Variants in KLHL4 observed in about 807,000 individuals in gnomAD.
KLHL4 encodes the protein kelch like family member 4, also known as kelch-like protein 4.
KLHL4 carries 17 observed loss-of-function variants against 45.8 expected under a neutral mutation model. That is an observed-to-expected ratio of 0.37 (90% confidence interval 0.25 to 0.56). The LOEUF (loss-of-function observed/expected upper bound fraction) is 0.56. Among genes scored for constraint, KLHL4 ranks in the 20% least tolerant of loss-of-function variants. The pLI is 0.79. For missense variants in KLHL4, 544 were observed against 544.9 expected, an observed-to-expected ratio of 1.00 and a Z score of 0.02; for synonymous variants, 224 against 189.9, an observed-to-expected ratio of 1.18 and a Z score of -1.47.
chrX:87,554,005 T>A (rs947357034), intron 1 of KLHL4, among the ~76,000 whole-genome samples: 1 of 108,512 alleles, frequency 9.2e-6, no homozygotes, highest in African/African-American at 3.4e-5. Context: ...TTTTGTCAGG[T>A]TTGTCAAAGA....
intron 9 of KLHL4, among the ~76,000 whole-genome samples, chrX:87,661,741 C>CT (rs1340660368): frequency 6.3e-5 from 7 of 111,804 alleles, no homozygotes; most frequent in Admixed American, 9.5e-5. Flanking sequence ...TTCTCATACT[C>CT]TTAAAATTTT....
chrX:87,545,231 T>C (rs1931647148), intron 1 of KLHL4, among the ~76,000 whole-genome samples: 2 of 112,334 alleles, frequency 1.8e-5, no homozygotes, highest in Non-Finnish European at 1.9e-5. Context: ...GACAGACTAT[T>C]TGAAAATACA....
chrX:87,550,983 T>C (rs1931801470), intron 1 of KLHL4, among the ~76,000 whole-genome samples: 1 of 110,928 alleles, frequency 9.0e-6, no homozygotes, highest in Admixed American at 9.7e-5. Context: ...CTCTTCAACA[T>C]AGTACTGGAA....
In KLHL4 at chrX:87,669,871, A is replaced by T. The variant is rs6614705; in HGVS notation, c.*3337A>T. On this transcript the variant is annotated 3_prime_UTR_variant, in exon 11 of 11. Transcript: ENST00000373119. The stretch of plus-strand genomic sequence containing the variant: ...TCTCCATATTTCAAAGGAAAGTTTT[A>T]AAAATGTTTTTAAAACTTCAAATAT... 50,342 of 112,793 alleles carry T rather than the reference A, an allele frequency of 0.45. 9,292 individuals are homozygous for T. The highest frequency in any genetic ancestry group is 0.68 in the African/African-American group (20,531 of 30,291). 9.3% of individuals were successfully genotyped at this position (112,793 alleles called of 1,213,427 possible).
chrX:87,567,296 T>TA (rs897532543), intron 1 of KLHL4, among the ~76,000 whole-genome samples: 12 of 110,041 alleles, frequency 1.1e-4, no homozygotes, highest in East Asian at 2.9e-4. Flanking sequence ...CATAAACAAA[T>TA]AAAAAAAAGA....
chrX:87,528,928 G>T (rs748733650), intron 1 of KLHL4, among the ~76,000 whole-genome samples: 1 of 109,698 alleles, frequency 9.1e-6, no homozygotes, highest in Non-Finnish European at 1.9e-5. Context: ...CAAAGACAGA[G>T]AGAGAATTCT....
chrX:87,626,358 C>T (rs1922927348), intron 6 of KLHL4, among the ~76,000 whole-genome samples: 1 of 111,571 alleles, frequency 9.0e-6, no homozygotes, highest in African/African-American at 3.3e-5. Flanking sequence ...TCACTGAATA[C>T]ACAATTTACA....
intron 1 of KLHL4, among the ~76,000 whole-genome samples, chrX:87,579,388 A>G (rs189194990): frequency 3.4e-4 from 38 of 111,846 alleles, no homozygotes; most frequent in African/African-American, 1.1e-3. Flanking sequence ...TACATACATT[A>G]TGGAAATTCC....
chrX:87,596,559 C>T lies in KLHL4; in HGVS notation c.423-17318C>T, dbSNP rs182255847. Among the ~76,000 whole-genome samples, 296 of 111,749 alleles carry T rather than the reference C, an allele frequency of 2.6e-3. 1 individual carries two copies. Among genetic ancestry groups the T allele is most frequent in the African/African-American group, 9.4e-3 (288 of 30,760 alleles). On this transcript the variant is annotated intron_variant, in intron 1 of 10. Transcript: ENST00000373119. ...AGTTAGCAAAAGACTGGATAATCTT[C>T]AGTAAATAAAATACATAAGTCTATC... is the stretch of plus-strand genomic sequence containing the variant.
At position 87,545,862 on chromosome X, in the gene KLHL4, T is replaced by A. The variant is rs750040318; in HGVS notation, c.422+27547T>A. ...GTCTCAGATGTGGATGAAGAACTTA[T>A]TGGGAACCGGTGTAAAGGTGACTCT... On this transcript the variant is annotated intron_variant, in intron 1 of 10. Transcript: ENST00000373119. Among the ~76,000 whole-genome samples the A allele has an allele frequency of 2.1e-4, 23 of 111,226 alleles. No homozygotes were observed. In the South Asian group the frequency reaches 8.4e-3, roughly 40 times the overall value.
intron 1 of KLHL4, among the ~76,000 whole-genome samples, chrX:87,595,174 C>T (rs2147802600): frequency 9.0e-6 from 1 of 111,105 alleles, no homozygotes; most frequent in East Asian, 2.9e-4. Context: ...TGCCCCCTCC[C>T]CCAACCCCAC....
At chrX:87,521,168 T>C (rs1451759539) in intron 1 of KLHL4, among the ~76,000 whole-genome samples, 1 of 111,638 alleles carries the variant, frequency 9.0e-6, no homozygotes, top group African/African-American at 3.3e-5. Context: ...ACCTACCAAC[T>C]GTACTGATAT....
chrX:87,660,089 A>G (rs2147841982), intron 9 of KLHL4, among the ~76,000 whole-genome samples: 1 of 111,422 alleles, frequency 9.0e-6, no homozygotes, highest in African/African-American at 3.3e-5. Context: ...ACTGTGTTTA[A>G]ACAACACTGC....
At chrX:87,547,991 C>T (rs1454095189) in intron 1 of KLHL4, among the ~76,000 whole-genome samples, 9 of 111,375 alleles carry the variant, frequency 8.1e-5, no homozygotes, top group African/African-American at 2.9e-4. Context: ...GAAAACTTTC[C>T]AATATCCAAG....
At chrX:87,528,507 G>C (rs1358916011) in intron 1 of KLHL4, among the ~76,000 whole-genome samples, 1 of 109,224 alleles carries the variant, frequency 9.2e-6, no homozygotes, top group African/African-American at 3.3e-5. Flanking sequence ...ACGAGGTCAA[G>C]AGATTGAGAC....
chrX:87,666,751 C>A lies in KLHL4; in HGVS notation c.*217C>A. On this transcript the variant is annotated 3_prime_UTR_variant, in exon 11 of 11. Coordinates refer to ENST00000373119, the MANE Select transcript of KLHL4 (RefSeq NM_019117.5). ...ATGAATTATTAAGCATATGTGCTTT[C>A]GCAGCTGATAATATAAAAGGAAATC... 1.1e-6 allele frequency: 1 copy of A among 927,147 alleles called. No homozygotes were observed. The highest frequency in any genetic ancestry group is 1.3e-6 in the Non-Finnish European group (1 of 746,454). The allele number at this position is 927,147 out of a possible 1,213,427, so 76.4% of individuals were successfully genotyped here. A position where few individuals can be genotyped will look rare whatever the true frequency, so the allele number is the denominator to read the frequency against.
intron 4 of KLHL4, among the ~76,000 whole-genome samples, chrX:87,621,774 A>G (rs1922757745): frequency 1.8e-5 from 2 of 111,703 alleles, no homozygotes; most frequent in Admixed American, 1.9e-4. Context: ...CCTCACATAC[A>G]TAGCCAGAGT....
chrX:87,594,824 T>C (rs759780831), intron 1 of KLHL4, among the ~76,000 whole-genome samples: 1 of 111,845 alleles, frequency 8.9e-6, no homozygotes, highest in Non-Finnish European at 1.9e-5. Context: ...ATCTCTTTTG[T>C]CTCACCAAAG....
chrX:87,583,193 C>A (rs1181678707), intron 1 of KLHL4, among the ~76,000 whole-genome samples: 3 of 111,792 alleles, frequency 2.7e-5, no homozygotes, highest in African/African-American at 9.8e-5. Context: ...TTTACAATCC[C>A]TTTGCTAGCT....
Sources: allele counts gnomAD v4.1 joint callset (sites outside exome capture counted in the v4.1 genomes callset), GRCh38; gene constraint gnomAD v4.1.1; transcripts MANE v1.5; gene names NCBI Gene and HGNC (gene_info 2026-07-23, HGNC 2026-07-21).